The following TRPS1 variants were observed in gnomAD, a reference collection of about 807,000 sequenced individuals.
The protein encoded by TRPS1 is zinc finger transcription factor Trps1.
Under a neutral mutation model 101.2 loss-of-function variants are expected in TRPS1, and 6 were observed. The observed-to-expected ratio is 0.06, with a 90% CI of 0.03 to 0.12. The LOEUF (loss-of-function observed/expected upper bound fraction) is 0.12. Among genes scored for constraint, TRPS1 ranks in the 10% least tolerant of loss-of-function variants. TRPS1 has a pLI of 1.00. For synonymous variants in TRPS1, 578 were observed against 589.8 expected, an observed-to-expected ratio of 0.98 and a Z score of 0.29; for missense variants, 1,363 against 1,567.0, an observed-to-expected ratio of 0.87 and a Z score of 2.20.
chr8:115,574,752 A>ATATG (rs895920579), intron 5 of TRPS1, among the ~76,000 whole-genome samples: 5 of 151,924 alleles, frequency 3.3e-5, no homozygotes, highest in African/African-American at 1.2e-4. Context: ...ATATATATAT[A>ATATG]TAACTTTATA....
rs1812881232 is a variant in TRPS1, at chr8:115,414,957, T to C, written c.2951A>G (p.Asn984Ser). ...EQLNKQQRGS[N>S]EEQVNGSPLE... ...CGGGCTTCCATTGACTTGCTCCTCA[T>C]TGCTGCCCCTCTGCTGTTTGTTGAG... The change falls in exon 7 of 7, where the codon AAT becomes AGT. Residue 984 changes from asparagine to serine, a missense_variant. Physicochemically the swap from Asn to Ser is conservative, Grantham distance 46 (BLOSUM62 1). Transcript: ENST00000395715. This position sits in a 1 kb window ranked among gnomAD's most constrained non-coding sequence, Gnocchi z 4.8. 1 of 1,589,806 alleles carries C rather than the reference T, an allele frequency of 6.3e-7. No homozygotes were observed. The highest frequency in any genetic ancestry group is 8.6e-7 in the Non-Finnish European group (1 of 1,169,218).
chr8:115,558,090 GA>G (rs74686542), intron 5 of TRPS1, among the ~76,000 whole-genome samples: 2,293 of 124,234 alleles, frequency 0.018, 17 homozygotes, highest in South Asian at 0.024. Flanking sequence ...AAACAGACAG[GA>G]AAAAAAAAAA....
chr8:115,563,441 A>T (rs1182766311), intron 5 of TRPS1, among the ~76,000 whole-genome samples: 1 of 152,098 alleles, frequency 6.6e-6, no homozygotes, highest in Non-Finnish European at 1.5e-5. Flanking sequence ...CAGGAAACTG[A>T]GCTCCAAACC....
chr8:115,596,580 A>G (rs1715831647), intron 4 of TRPS1, among the ~76,000 whole-genome samples: 1 of 151,876 alleles, frequency 6.6e-6, no homozygotes, highest in Admixed American at 6.6e-5. Context: ...GGATAGATAT[A>G]GATATGATTA....
chr8:115,583,187 T>C (rs538133484), intron 5 of TRPS1, among the ~76,000 whole-genome samples: 34 of 152,250 alleles, frequency 2.2e-4, no homozygotes, highest in South Asian at 6.2e-4. Context: ...CAGAATTTCT[T>C]ATTCAGGAAA....
chr8:115,452,704 G>A (rs1354058187), intron 5 of TRPS1, among the ~76,000 whole-genome samples: 1 of 152,152 alleles, frequency 6.6e-6, no homozygotes, highest in Non-Finnish European at 1.5e-5. Flanking sequence ...AGACTCAGAT[G>A]CCTGTAAAAT....
At chr8:115,529,563 A>G (rs1248754552) in intron 5 of TRPS1, among the ~76,000 whole-genome samples, 1 of 152,148 alleles carries the variant, frequency 6.6e-6, no homozygotes, top group Non-Finnish European at 1.5e-5. Flanking sequence ...TGCAGTAAAC[A>G]TCTATGACTA....
At chr8:115,561,199 T>C (rs1172064287) in intron 5 of TRPS1, among the ~76,000 whole-genome samples, 1 of 152,112 alleles carries the variant, frequency 6.6e-6, no homozygotes, top group Admixed American at 6.6e-5. Context: ...ATTTGACATT[T>C]ACAAATCTTC....
chr8:115,500,250 G>A (rs564647136), intron 5 of TRPS1, among the ~76,000 whole-genome samples: 3 of 152,056 alleles, frequency 2.0e-5, no homozygotes, highest in Non-Finnish European at 4.4e-5. Context: ...GGCTGGTCTC[G>A]AACTCCTGAC....
intron 1 of TRPS1, among the ~76,000 whole-genome samples, chr8:115,655,617 A>C (rs1448309079): frequency 6.6e-6 from 1 of 152,184 alleles, no homozygotes; most frequent in Admixed American, 6.6e-5. Flanking sequence ...AAGTTAATAT[A>C]TATGTACATG....
chr8:115,652,573 T>C (rs1256233532), intron 1 of TRPS1, among the ~76,000 whole-genome samples: 1 of 152,232 alleles, frequency 6.6e-6, no homozygotes, highest in East Asian at 1.9e-4. Flanking sequence ...TTCTAAACTT[T>C]CAAAGGAGCC....
chr8:115,487,232 C>T (rs1366247661), intron 5 of TRPS1, among the ~76,000 whole-genome samples: 1 of 151,524 alleles, frequency 6.6e-6, no homozygotes, highest in African/African-American at 2.4e-5. Flanking sequence ...ATATTTGAAG[C>T]CCATTGTTGA....
At chr8:115,524,202 G>A (rs912343125) in intron 5 of TRPS1, among the ~76,000 whole-genome samples, 1 of 151,788 alleles carries the variant, frequency 6.6e-6, no homozygotes, top group South Asian at 2.1e-4. Context: ...TTAACTGGTC[G>A]CTTTATTGTC....
intron 5 of TRPS1, among the ~76,000 whole-genome samples, chr8:115,480,046 T>C (rs566336959): frequency 6.6e-6 from 1 of 152,286 alleles, no homozygotes; most frequent in South Asian, 2.1e-4. Context: ...ATGTATATAC[T>C]CTAATGGCAT....
chr8:115,443,467 G>A (rs1813658289), intron 5 of TRPS1, among the ~76,000 whole-genome samples: 1 of 152,092 alleles, frequency 6.6e-6, no homozygotes. Flanking sequence ...AATCTGCTCG[G>A]TTCTCATCAG....
At chr8:115,545,080 T>C (rs1429630217) in intron 5 of TRPS1, among the ~76,000 whole-genome samples, 1 of 152,202 alleles carries the variant, frequency 6.6e-6, no homozygotes, top group Non-Finnish European at 1.5e-5. Context: ...ATTCTCTTTA[T>C]CAAAATTATC....
rs1812734433 is a variant in TRPS1, at chr8:115,409,320, C to T, written c.*4703G>A. On this transcript the variant is annotated 3_prime_UTR_variant, in exon 7 of 7. Coordinates refer to ENST00000395715, the MANE Select transcript of TRPS1 (RefSeq NM_014112.5). ...GAATTGAGTTTTGGGACTCTATGCT[C>T]TAGAAGGACAATTTTCTCTGATAAA... The T allele has an allele frequency of 7.0e-6, 1 of 143,874 alleles. No individual in the cohort carries two copies. Among genetic ancestry groups the T allele is most frequent in the Non-Finnish European group, 1.5e-5 (1 of 66,698 alleles). 8.9% of individuals were successfully genotyped at this position (143,874 alleles called of 1,614,324 possible). A position where few individuals can be genotyped will look rare whatever the true frequency, so the allele number is the denominator to read the frequency against.
chr8:115,482,155 T>C (rs755620081), intron 5 of TRPS1, among the ~76,000 whole-genome samples: 15 of 152,210 alleles, frequency 9.9e-5, no homozygotes, highest in Non-Finnish European at 1.9e-4. Context: ...AATCAGGTCA[T>C]TAGCTTTGCT....
At chr8:115,473,916 T>C (rs2130027087) in intron 5 of TRPS1, among the ~76,000 whole-genome samples, 1 of 152,342 alleles carries the variant, frequency 6.6e-6, no homozygotes, top group South Asian at 2.1e-4. Context: ...TGCTGTTCTC[T>C]GACTTTATGC....
Sources: allele counts gnomAD v4.1 joint callset (sites outside exome capture counted in the v4.1 genomes callset), GRCh38; gene constraint gnomAD v4.1.1; non-coding constraint Gnocchi (gnomAD v3.1); transcripts MANE v1.5; gene names NCBI Gene and HGNC (gene_info 2026-07-23, HGNC 2026-07-21).